Variants in PROKR1 observed in about 807,000 individuals in gnomAD.
PROKR1 encodes the protein G protein-coupled receptor 73.
Under a neutral mutation model 22.8 loss-of-function variants are expected in PROKR1, and 21 were observed. The observed-to-expected ratio is 0.92, with a 90% CI of 0.65 to 1.32. The LOEUF (loss-of-function observed/expected upper bound fraction) is 1.32. PROKR1 is among the 40% of genes most tolerant of loss of function. The pLI, the probability that PROKR1 is intolerant of heterozygous loss-of-function variation, is 0.00. For synonymous variants in PROKR1, 193 were observed against 207.5 expected (o/e 0.93, Z 0.60); for missense variants, 548 against 514.2 (o/e 1.07, Z -0.64).
chr2:68,645,343 G>A (rs1268525622), intron 1 of PROKR1, among the ~76,000 whole-genome samples: 1 of 151,988 alleles, frequency 6.6e-6, no homozygotes, highest in Non-Finnish European at 1.5e-5. Flanking sequence ...CTCTTAAATA[G>A]CATTTAAAGA....
chr2:68,645,203 C>T (rs1673147773), intron 1 of PROKR1, among the ~76,000 whole-genome samples: 1 of 152,144 alleles, frequency 6.6e-6, no homozygotes, highest in African/African-American at 2.4e-5. Context: ...AGGGTCATAG[C>T]AGGTTCTAAT....
intron 1 of PROKR1, 142 bp downstream of exon 1, chr2:68,643,990 T>G (rs1673121666): frequency 6.6e-6 from 1 of 152,276 alleles, no homozygotes; most frequent in Non-Finnish European, 1.5e-5. Context: ...AGAGCCAGGC[T>G]TCCCCTCCTC....
intron 2 of PROKR1, 61 bp from the exon 3 acceptor site, chr2:68,654,819 A>AAG: frequency 6.7e-7 from 1 of 1,496,940 alleles, no homozygotes; most frequent in Non-Finnish European, 9.2e-7. Flanking sequence ...AAAAAAAAAA[A>AAG]AAAAGATTAT....
At chr2:68,651,243 G>A (rs1304861104) in intron 2 of PROKR1, among the ~76,000 whole-genome samples, 2 of 152,122 alleles carry the variant, frequency 1.3e-5, no homozygotes, top group African/African-American at 4.8e-5. Context: ...TGTGCCTGTA[G>A]TCCCAGCTAC....
Position 68,655,671 on chromosome 2 carries a change from C to A in PROKR1, c.*95C>A. On this transcript the variant is annotated 3_prime_UTR_variant, in exon 3 of 3. Coordinates refer to ENST00000303786, the MANE Select transcript of PROKR1 (RefSeq NM_138964.4). ...ACATCAACCTGGAACTTTTTGTTTG[C>A]TGCAGAGGGTAAAGTAAATGGACCA... is the stretch of plus-strand genomic sequence containing the variant. The A allele has an allele frequency of 8.1e-7, 1 of 1,235,314 alleles. No homozygotes were observed. The highest frequency in any genetic ancestry group is 1.5e-5 in the African/African-American group (1 of 67,018). The allele number at this position is 1,235,314 out of a possible 1,614,324, so 76.5% of individuals were successfully genotyped here.
In PROKR1 at chr2:68,645,779, T is replaced by A. The variant is rs1573332144; in HGVS notation, c.-43T>A. 1 of 1,614,006 alleles carries A rather than the reference T, an allele frequency of 6.2e-7. No homozygotes were observed. The highest frequency in any genetic ancestry group is 1.3e-5 in the African/African-American group (1 of 74,922). ...GACATCAGCCTTGCAGACATTGCCC[T>A]GGGGAATTCTGAGCAGTGTTGCTCA... On this transcript the variant is annotated 5_prime_UTR_variant, in exon 2 of 3. Transcript: ENST00000303786.
chr2:68,645,525 G>T (rs976870847), intron 1 of PROKR1, 137 bp from the exon 2 acceptor site: 4 of 479,302 alleles, frequency 8.3e-6, no homozygotes, highest in South Asian at 2.5e-5. Flanking sequence ...TTCTCTCATT[G>T]GTTCCTTTAT....
At chr2:68,644,410 C>T (rs933452910) in intron 1 of PROKR1, among the ~76,000 whole-genome samples, 1 of 152,056 alleles carries the variant, frequency 6.6e-6, no homozygotes. Flanking sequence ...GGGCAGAGGG[C>T]AAGGGCTGAG....
chr2:68,655,653 C>A lies in PROKR1; in HGVS notation c.*77C>A. 7.0e-7 allele frequency: 1 copy of A among 1,419,492 alleles called. No individual in the cohort carries two copies. Among genetic ancestry groups the A allele is most frequent in the Non-Finnish European group, 9.8e-7 (1 of 1,023,774 alleles). The allele number at this position is 1,419,492 out of a possible 1,614,324, so 87.9% of individuals were successfully genotyped here. On this transcript the variant is annotated 3_prime_UTR_variant, in exon 3 of 3. Coordinates refer to ENST00000303786, the MANE Select transcript of PROKR1 (RefSeq NM_138964.4). ...ACTAGTGTGCTTGGATGCACATCAA[C>A]CTGGAACTTTTTGTTTGCTGCAGAG...
At chr2:68,650,601 T>C (rs113686181) in intron 2 of PROKR1, among the ~76,000 whole-genome samples, 3,631 of 152,078 alleles carry the variant, frequency 0.024, 49 homozygotes, top group South Asian at 0.045. Context: ...CAAAATCCTG[T>C]TAGGTACTCA....
At chr2:68,651,627 A>C (rs1558579162) in intron 2 of PROKR1, among the ~76,000 whole-genome samples, 1 of 152,210 alleles carries the variant, frequency 6.6e-6, no homozygotes, top group Non-Finnish European at 1.5e-5. Flanking sequence ...TGAGCTCATT[A>C]GTCAGGGCCA....
Position 68,655,249 on chromosome 2 carries a change from G to A in PROKR1, c.855G>A (p.Val285=), listed in dbSNP as rs762188420. The A allele has an allele frequency of 1.9e-6, 3 of 1,614,148 alleles. No individual in the cohort carries two copies. Among genetic ancestry groups the A allele is most frequent in the East Asian group, 2.2e-5 (1 of 44,902 alleles). ...GCTGCCGCAGGAAGACGGTCCTGGTGCTCATGTGCATCCTCACCGCCTACG... is the reference window on the plus strand; with the variant it reads ...GCTGCCGCAGGAAGACGGTCCTGGTACTCATGTGCATCCTCACCGCCTACG... ...RLRCRRKTVL[V]LMCILTAYVL... The change falls in exon 3 of 3, where the codon GTG becomes GTA. Residue 285 remains valine (V), a synonymous_variant. Transcript: ENST00000303786.
chr2:68,648,577 C>T (rs1436046017), intron 2 of PROKR1, among the ~76,000 whole-genome samples: 1 of 152,034 alleles, frequency 6.6e-6, no homozygotes. Context: ...TGCACCAATG[C>T]CCATTCTTTT....
At position 68,655,613 on chromosome 2, in the gene PROKR1, G is replaced by A. The variant is rs770292514; in HGVS notation, c.*37G>A. The stretch of plus-strand genomic sequence containing the variant: ...TTGCAAAGTTTAAACACAAAGCAGG[G>A]TCCTGTGGACACTGACTAGTGTGCT... On this transcript the variant is annotated 3_prime_UTR_variant, in exon 3 of 3. Transcript: ENST00000303786. 2.8e-5 allele frequency: 44 copies of A among 1,588,638 alleles called. No individual in the cohort carries two copies. The Admixed American group carries it at 7.2e-4, about 26-fold the overall frequency.
intron 2 of PROKR1, among the ~76,000 whole-genome samples, chr2:68,650,454 C>G (rs1026430674): frequency 6.6e-6 from 1 of 152,050 alleles, no homozygotes; most frequent in Non-Finnish European, 1.5e-5. Context: ...CCAGGCTAGT[C>G]TTGAACTAGT....
rs1294921664 is a variant in PROKR1, at chr2:68,657,968, T to C, written c.*2392T>C. 1 of 152,194 alleles carries C rather than the reference T, an allele frequency of 6.6e-6. No individual in the cohort carries two copies. Among genetic ancestry groups the C allele is most frequent in the African/African-American group, 2.4e-5 (1 of 41,442 alleles). 9.4% of individuals were successfully genotyped at this position (152,194 alleles called of 1,614,324 possible). A position where few individuals can be genotyped will look rare whatever the true frequency, so the allele number is the denominator to read the frequency against. On this transcript the variant is annotated 3_prime_UTR_variant, in exon 3 of 3. Coordinates refer to ENST00000303786, the MANE Select transcript of PROKR1 (RefSeq NM_138964.4). The stretch of plus-strand genomic sequence containing the variant: ...TAAGATCATATATTGCATTCTAAAA[T>C]CTGGAAGGTTAGCTTTTGTATTAAA...
Position 68,645,780 on chromosome 2 carries a change from G to A in PROKR1, c.-42G>A, listed in dbSNP as rs1229970550. On this transcript the variant is annotated 5_prime_UTR_variant, in exon 2 of 3. Coordinates refer to ENST00000303786, the MANE Select transcript of PROKR1 (RefSeq NM_138964.4). ...ACATCAGCCTTGCAGACATTGCCCT[G>A]GGGAATTCTGAGCAGTGTTGCTCAC... 1 of 1,613,906 alleles carries A rather than the reference G, an allele frequency of 6.2e-7. No individual in the cohort carries two copies. The highest frequency in any genetic ancestry group is 8.5e-7 in the Non-Finnish European group (1 of 1,180,012).
In PROKR1 at chr2:68,645,773, T is replaced by A. The variant is rs368119935; in HGVS notation, c.-49T>A. On this transcript the variant is annotated 5_prime_UTR_variant, in exon 2 of 3. In the 5' UTR this introduces an upstream ATG that the reference lacks. Coordinates refer to ENST00000303786, the MANE Select transcript of PROKR1 (RefSeq NM_138964.4). ...AGGGGTGACATCAGCCTTGCAGACA[T>A]TGCCCTGGGGAATTCTGAGCAGTGT... 6.2e-7 allele frequency: 1 copy of A among 1,614,034 alleles called. No homozygotes were observed. The highest frequency in any genetic ancestry group is 8.5e-7 in the Non-Finnish European group (1 of 1,179,990).
At chr2:68,650,522 C>T (rs1673293921) in intron 2 of PROKR1, among the ~76,000 whole-genome samples, 1 of 152,196 alleles carries the variant, frequency 6.6e-6, no homozygotes, top group Non-Finnish European at 1.5e-5. Context: ...GTGTGAGCCA[C>T]TGTGTCCAGC....
Sources: gnomAD v4.1 joint callset for allele counts (sites outside exome capture counted in the v4.1 genomes callset) on GRCh38, gnomAD v4.1.1 for gene constraint, MANE v1.5 for transcripts, NCBI Gene and HGNC (gene_info 2026-07-23, HGNC 2026-07-21) for gene names.